The following CPB2 variants were observed in gnomAD, a reference collection of about 807,000 sequenced individuals.
The protein encoded by CPB2 is carboxypeptidase B-like protein.
A neutral mutation model predicts 57.0 loss-of-function variants in CPB2; 54 were observed. That is an observed-to-expected ratio of 0.95 (90% CI 0.76 to 1.19). CPB2 has a LOEUF of 1.19. Among genes scored for constraint, CPB2 ranks in the 50% most tolerant of loss-of-function variants. The pLI, the probability that CPB2 is intolerant of heterozygous loss-of-function variation, is 0.00. For synonymous variants in CPB2, 189 were observed against 178.1 expected, an observed-to-expected ratio of 1.06 and a Z score of -0.49; for missense variants, 426 against 512.0, an observed-to-expected ratio of 0.83 and a Z score of 1.62.
At chr13:46,083,079 C>A (rs975796298) in intron 3 of CPB2, among the ~76,000 whole-genome samples, 4 of 152,002 alleles carry the variant, frequency 2.6e-5, no homozygotes, top group African/African-American at 9.7e-5. Context: ...CTCTTCAGAG[C>A]ACCACATTTG....
chr13:46,079,551 A>AAAG (rs56271507), intron 4 of CPB2, among the ~76,000 whole-genome samples: 35,823 of 121,742 alleles, frequency 0.29, 4,923 homozygotes, highest in African/African-American at 0.37. Context: ...AAAAAAAAAA[A>AAAG]AAAAGAAAAG....
chr13:46,094,220 T>G (rs942281640), intron 1 of CPB2, among the ~76,000 whole-genome samples: 4 of 152,158 alleles, frequency 2.6e-5, no homozygotes, highest in Admixed American at 6.5e-5. Context: ...TCTAGTGTGC[T>G]CTATCTCTTT....
chr13:46,064,805 G>T lies in CPB2; in HGVS notation c.703-64C>A. ...ACGTTCAAGGCCTGAGGAAAGACAT[G>T]CATTTGAAAGTCCATGAAGCCAGAA... is the stretch of plus-strand genomic sequence containing the variant. On this transcript the variant is annotated intron_variant, in intron 7 of 10. Transcript: ENST00000181383. 8.5e-6 allele frequency: 11 copies of T among 1,292,508 alleles called. No homozygotes were observed. The South Asian group carries it at 1.3e-4, about 16-fold the overall frequency. 80.1% of individuals were successfully genotyped at this position (1,292,508 alleles called of 1,614,324 possible).
At chr13:46,074,164 T>C (rs1460382576) in intron 5 of CPB2, among the ~76,000 whole-genome samples, 187 bp from the exon 6 acceptor site, 3 of 152,222 alleles carry the variant, frequency 2.0e-5, no homozygotes, top group African/African-American at 7.2e-5. Context: ...TTAGTTAAGG[T>C]AGCAAAGCTG....
chr13:46,089,589 G>A (rs1256323025), intron 1 of CPB2, among the ~76,000 whole-genome samples: 1 of 152,144 alleles, frequency 6.6e-6, no homozygotes, highest in Non-Finnish European at 1.5e-5. Flanking sequence ...TGATCTGAAT[G>A]TTTGTGTCCC....
chr13:46,056,520 A>T (rs973884543), intron 9 of CPB2, among the ~76,000 whole-genome samples: 7 of 152,024 alleles, frequency 4.6e-5, no homozygotes, highest in South Asian at 2.1e-4. Flanking sequence ...TTCTTGAAAA[A>T]CTCAAGAGAT....
intron 8 of CPB2, among the ~76,000 whole-genome samples, chr13:46,062,548 T>C (rs2044790608): frequency 6.6e-6 from 1 of 152,206 alleles, no homozygotes; most frequent in South Asian, 2.1e-4. Context: ...GGAACACGAG[T>C]GGTTTTTTAG....
rs1475053260 is a variant in CPB2 at position 46,076,214 on chromosome 13, G to A, written c.487-2237C>T. ...GAAGGGAAAAATCAAATTATCCTTG[G>A]TTTTAGATGACACGATCTTATATTT... On this transcript the variant is annotated intron_variant, in intron 5 of 10. Transcript: ENST00000181383. Among the ~76,000 whole-genome samples, 11 of 152,214 alleles carry A rather than the reference G, an allele frequency of 7.2e-5. No individual in the cohort carries two copies. The South Asian group carries it at 2.1e-3, about 29-fold the overall frequency.
intron 1 of CPB2, among the ~76,000 whole-genome samples, chr13:46,090,267 T>C (rs918534673): frequency 2.0e-5 from 3 of 152,114 alleles, no homozygotes; most frequent in African/African-American, 7.2e-5. Flanking sequence ...AGAATTATAT[T>C]GGATCAATAG....
intron 8 of CPB2, among the ~76,000 whole-genome samples, chr13:46,063,473 A>G (rs2044805986): frequency 6.6e-6 from 1 of 152,224 alleles, no homozygotes; most frequent in African/African-American, 2.4e-5. Context: ...TTCCAGCTGC[A>G]TCCATGTTGC....
intron 5 of CPB2, 34 bp from the exon 6 acceptor site, chr13:46,074,011 G>A: frequency 1.6e-6 from 2 of 1,270,528 alleles, no homozygotes; most frequent in Non-Finnish European, 2.3e-6. Context: ...AGCAAAAACA[G>A]TAACAATAAG....
At chr13:46,092,878 G>A (rs971246485) in intron 1 of CPB2, among the ~76,000 whole-genome samples, 2 of 152,008 alleles carry the variant, frequency 1.3e-5, no homozygotes, top group African/African-American at 4.8e-5. Flanking sequence ...GTGATTTATA[G>A]GGATAATTTT....
At chr13:46,079,535 CAAAAAA>C (rs58164990) in intron 4 of CPB2, among the ~76,000 whole-genome samples, 4 of 110,986 alleles carry the variant, frequency 3.6e-5, no homozygotes, top group South Asian at 6.0e-4. Context: ...AAGGAAAAAG[CAAAAAA>C]AAAAAAAAAA....
intron 7 of CPB2, among the ~76,000 whole-genome samples, chr13:46,065,369 G>A (rs1384686752): frequency 1.3e-5 from 2 of 152,158 alleles, no homozygotes; most frequent in South Asian, 4.1e-4. Flanking sequence ...GCTCACGCCT[G>A]TAATCCCAGC....
chr13:46,097,057 A>C (rs1368571606), intron 1 of CPB2: 1 of 152,260 alleles, frequency 6.6e-6, no homozygotes, highest in Non-Finnish European at 1.5e-5. Flanking sequence ...TGGAACTATG[A>C]GAGTGGGCAG....
At chr13:46,054,877 A>C (rs1165266123) in intron 10 of CPB2, among the ~76,000 whole-genome samples, 1 of 130,842 alleles carries the variant, frequency 7.6e-6, no homozygotes, top group Non-Finnish European at 1.6e-5. Context: ...TAGCCAACCA[A>C]GTAGCTGGCA....
intron 8 of CPB2, among the ~76,000 whole-genome samples, chr13:46,061,034 G>C (rs1428888983): frequency 6.6e-6 from 1 of 152,076 alleles, no homozygotes; most frequent in Non-Finnish European, 1.5e-5. Context: ...TGGGGAGAAG[G>C]TAGGGATGAG....
At chr13:46,077,674 T>A (rs1171294485) in intron 5 of CPB2, among the ~76,000 whole-genome samples, 4 of 133,284 alleles carry the variant, frequency 3.0e-5, no homozygotes, top group African/African-American at 1.2e-4. Context: ...AGAATCAACC[T>A]AAGTGTTCTT....
At chr13:46,095,453 G>A (rs543243222) in intron 1 of CPB2, among the ~76,000 whole-genome samples, 1 of 152,256 alleles carries the variant, frequency 6.6e-6, no homozygotes, top group South Asian at 2.1e-4. Flanking sequence ...ACAAAAACCA[G>A]ATGGATCCTG....
Sources: gnomAD v4.1 joint callset for allele counts (sites outside exome capture counted in the v4.1 genomes callset) on GRCh38, gnomAD v4.1.1 for gene constraint, MANE v1.5 for transcripts, NCBI Gene and HGNC (gene_info 2026-07-23, HGNC 2026-07-21) for gene names.